The following CNTN4 variants were observed in gnomAD, a reference collection of about 807,000 sequenced individuals.
CNTN4 encodes the protein contactin-4.
CNTN4 carries 77 observed loss-of-function variants against 122.5 expected under a neutral mutation model. That is an observed-to-expected ratio of 0.63 (90% CI 0.52 to 0.76). The LOEUF (loss-of-function observed/expected upper bound fraction) is 0.76, where lower values mean the gene tolerates loss of function less well. CNTN4 is among the 30% of genes least tolerant of loss of function. CNTN4 has a pLI of 0.00. For synonymous variants in CNTN4, 512 were observed against 447.0 expected (o/e 1.15, Z -1.83); for missense variants, 1,256 against 1,259.1 (o/e 1.00, Z 0.04).
intron 3 of CNTN4, among the ~76,000 whole-genome samples, chr3:2,500,206 A>G (rs1292418285): frequency 6.6e-6 from 1 of 152,104 alleles, no homozygotes; most frequent in East Asian, 1.9e-4. Context: ...GAATAATACC[A>G]GGAGTTTAAA....
intron 3 of CNTN4, among the ~76,000 whole-genome samples, chr3:2,525,416 C>T (rs775979349): frequency 3.3e-5 from 5 of 151,974 alleles, no homozygotes; most frequent in Middle Eastern, 3.2e-3. Flanking sequence ...TTTATATTGT[C>T]GGTAAATTTC....
intron 2 of CNTN4, among the ~76,000 whole-genome samples, chr3:2,307,434 C>CAA (rs61558669): frequency 8.0e-4 from 100 of 124,540 alleles, no homozygotes; most frequent in African/African-American, 2.6e-3. Context: ...GACTCCATCT[C>CAA]AAAAAAAAAA....
At chr3:2,328,664 G>A (rs1303125547) in intron 2 of CNTN4, among the ~76,000 whole-genome samples, 3 of 147,322 alleles carry the variant, frequency 2.0e-5, no homozygotes, top group African/African-American at 2.5e-5. Flanking sequence ...ATAATGTTTG[G>A]AAAAAAAAAA....
chr3:2,814,308 T>C (rs1386112348), intron 6 of CNTN4, among the ~76,000 whole-genome samples: 1 of 152,258 alleles, frequency 6.6e-6, no homozygotes, highest in South Asian at 2.1e-4. Context: ...TTCCTTGTTT[T>C]ACATACACAT....
At chr3:2,790,286 G>T (rs2091968313) in intron 6 of CNTN4, among the ~76,000 whole-genome samples, 1 of 152,212 alleles carries the variant, frequency 6.6e-6, no homozygotes, top group African/African-American at 2.4e-5. Flanking sequence ...GGGATTAGTT[G>T]TGGTGAAGTG....
chr3:2,584,855 T>C (rs1223884821), intron 4 of CNTN4, among the ~76,000 whole-genome samples: 2 of 152,038 alleles, frequency 1.3e-5, no homozygotes, highest in Admixed American at 1.3e-4. Flanking sequence ...AAACTGTATC[T>C]TGTTCTCTAC....
intron 6 of CNTN4, among the ~76,000 whole-genome samples, chr3:2,771,060 A>G (rs967859764): frequency 6.6e-6 from 1 of 152,206 alleles, no homozygotes; most frequent in Non-Finnish European, 1.5e-5. Flanking sequence ...ATGGAGCCTC[A>G]TGCATCTTCA....
At chr3:2,794,855 A>C (rs1431005100) in intron 6 of CNTN4, among the ~76,000 whole-genome samples, 1 of 152,180 alleles carries the variant, frequency 6.6e-6, no homozygotes, top group Non-Finnish European at 1.5e-5. Flanking sequence ...GTCACTGTGC[A>C]CTCACGTGGT....
At position 2,346,806 on chromosome 3, in the gene CNTN4, G is replaced by A. The variant is rs143728832; in HGVS notation, c.-89+7573G>A. ...TGCAGTTTCACAATGATAAGTCCAA[G>A]TATGCATTTTTGTTGAGTTTTTCTC... On this transcript the variant is annotated intron_variant, in intron 3 of 24. Transcript: ENST00000418658. 1.4e-3 allele frequency among the ~76,000 whole-genome samples: 215 copies of A among 152,228 alleles called. 1 individual carries two copies. Among genetic ancestry groups the A allele is most frequent in the Non-Finnish European group, 2.3e-3 (157 of 68,006 alleles).
At chr3:2,110,083 A>G (rs879655702) in intron 2 of CNTN4, among the ~76,000 whole-genome samples, 3 of 152,040 alleles carry the variant, frequency 2.0e-5, no homozygotes, top group Non-Finnish European at 4.4e-5. Flanking sequence ...GCAGGTGACT[A>G]AAGATAATTT....
chr3:2,617,288 T>A (rs1241505149), intron 4 of CNTN4, among the ~76,000 whole-genome samples: 1 of 151,802 alleles, frequency 6.6e-6, no homozygotes, highest in Non-Finnish European at 1.5e-5. Flanking sequence ...CTTGAACAAA[T>A]TTTCAAGAAA....
intron 14 of CNTN4, among the ~76,000 whole-genome samples, chr3:3,004,803 C>G (rs990889679): frequency 2.0e-5 from 3 of 152,220 alleles, no homozygotes; most frequent in African/African-American, 7.2e-5. Flanking sequence ...AACATCTTGT[C>G]TATGCCATTG....
intron 17 of CNTN4, among the ~76,000 whole-genome samples, chr3:3,036,259 A>T (rs548081506): frequency 6.6e-6 from 1 of 152,176 alleles, no homozygotes; most frequent in South Asian, 2.1e-4. Context: ...ATTTTAACCC[A>T]TTTGTTTTTT....
chr3:2,245,711 G>T (rs1198053545), intron 2 of CNTN4, among the ~76,000 whole-genome samples: 1 of 151,998 alleles, frequency 6.6e-6, no homozygotes, highest in East Asian at 1.9e-4. Flanking sequence ...ACAAAAGATT[G>T]TAGGGTGAAA....
intron 3 of CNTN4, among the ~76,000 whole-genome samples, chr3:2,517,950 T>G (rs1193002753): frequency 1.3e-5 from 2 of 152,156 alleles, no homozygotes; most frequent in East Asian, 3.9e-4. Context: ...TGTCTGGCTT[T>G]GTGCTTAGAG....
intron 2 of CNTN4, among the ~76,000 whole-genome samples, chr3:2,328,298 C>G (rs868794482): frequency 4.0e-5 from 6 of 150,198 alleles, no homozygotes; most frequent in African/African-American, 9.8e-5. Flanking sequence ...CCCAGCTACT[C>G]GGGAGGCTGA....
intron 7 of CNTN4, among the ~76,000 whole-genome samples, chr3:2,861,823 A>G (rs886548247): frequency 2.0e-5 from 3 of 152,188 alleles, no homozygotes; most frequent in African/African-American, 7.2e-5. Flanking sequence ...TCAAATGAGC[A>G]TGTTGGATTT....
chr3:2,851,458 T>C (rs1217768153), intron 7 of CNTN4, among the ~76,000 whole-genome samples: 1 of 152,198 alleles, frequency 6.6e-6, no homozygotes, highest in East Asian at 1.9e-4. Context: ...TAAAACTCCT[T>C]TTTCCTCTGA....
At chr3:2,913,327 A>T (rs1236983278) in intron 12 of CNTN4, among the ~76,000 whole-genome samples, 1 of 152,230 alleles carries the variant, frequency 6.6e-6, no homozygotes, top group Non-Finnish European at 1.5e-5. Context: ...TATTTTAAAC[A>T]TAAATTGATT....
Sources: gnomAD v4.1 joint callset for allele counts (sites outside exome capture counted in the v4.1 genomes callset) on GRCh38, gnomAD v4.1.1 for gene constraint, MANE v1.5 for transcripts, NCBI Gene and HGNC (gene_info 2026-07-23, HGNC 2026-07-21) for gene names.